Variants in POLA1 observed in about 807,000 individuals in gnomAD.
The protein encoded by POLA1 is DNA polymerase alpha catalytic subunit.
In POLA1, 15 loss-of-function variants were observed where a neutral mutation model predicts 124.0. That is an observed-to-expected ratio of 0.12 (90% confidence interval 0.08 to 0.19). The LOEUF is 0.19. POLA1 is among the 10% of genes least tolerant of loss of function. The pLI is 1.00. For missense variants in POLA1, 886 were observed against 1,103.4 expected (o/e 0.80, Z 2.79); for synonymous variants, 408 against 389.4 (o/e 1.05, Z -0.56).
At chrX:24,724,501 C>T in intron 12 of POLA1, 50 bp downstream of exon 12, 1 of 598,996 alleles carries the variant, frequency 1.7e-6, no homozygotes, top group Admixed American at 3.2e-5. Context: ...TGTTTATTTT[C>T]TGATTTAGCA....
intron 1 of POLA1, among the ~76,000 whole-genome samples, chrX:24,696,194 T>G (rs769290897): frequency 2.2e-4 from 25 of 112,492 alleles, no homozygotes; most frequent in Admixed American, 9.4e-5. Flanking sequence ...TCTGCATCAG[T>G]CAGAGCCCCT....
intron 35 of POLA1, among the ~76,000 whole-genome samples, chrX:24,925,634 CTA>C (rs1355459861): frequency 8.9e-6 from 1 of 112,365 alleles, no homozygotes; most frequent in African/African-American, 3.2e-5. Context: ...TTTGCATGCC[CTA>C]TGACTCAGCA....
chrX:24,973,934 T>C (rs1024220763), intron 36 of POLA1, among the ~76,000 whole-genome samples: 13 of 111,061 alleles, frequency 1.2e-4, no homozygotes, highest in South Asian at 7.8e-4. Flanking sequence ...GTTTTTTTTT[T>C]CCCCCTAGGC....
At chrX:24,916,735 A>G (rs1257616407) in intron 35 of POLA1, among the ~76,000 whole-genome samples, 1 of 112,234 alleles carries the variant, frequency 8.9e-6, no homozygotes, top group Admixed American at 9.4e-5. Flanking sequence ...TTGAGTTGCA[A>G]AAGCTTAAGA....
At chrX:24,723,638 T>C (rs1930341943) in intron 11 of POLA1, among the ~76,000 whole-genome samples, 1 of 112,651 alleles carries the variant, frequency 8.9e-6, no homozygotes, top group Non-Finnish European at 1.9e-5. Flanking sequence ...AGCAGTGATA[T>C]TCCCTCCATT....
chrX:24,858,820 C>A (rs1021937729), intron 34 of POLA1, among the ~76,000 whole-genome samples: 1 of 112,437 alleles, frequency 8.9e-6, no homozygotes, highest in Non-Finnish European at 1.9e-5. Flanking sequence ...ACCATTTTCC[C>A]TGCTCTCACA....
intron 2 of POLA1, among the ~76,000 whole-genome samples, chrX:24,702,066 CTT>C (rs1374389090): frequency 3.6e-5 from 3 of 84,157 alleles, no homozygotes; most frequent in Admixed American, 1.4e-4. Context: ...GAATCAGGTA[CTT>C]TTTTTTTTTT....
intron 11 of POLA1, among the ~76,000 whole-genome samples, chrX:24,723,557 G>A (rs1382033864): frequency 8.9e-6 from 1 of 112,676 alleles, no homozygotes; most frequent in Non-Finnish European, 1.9e-5. Flanking sequence ...ATAATAATCA[G>A]GGTTGGAACT....
At chrX:24,900,069 T>C (rs916982948) in intron 35 of POLA1, among the ~76,000 whole-genome samples, 4 of 111,947 alleles carry the variant, frequency 3.6e-5, no homozygotes, top group Non-Finnish European at 7.5e-5. Context: ...TTCCAAGTTA[T>C]TGTTTTAGTG....
chrX:24,984,035 T>C (rs1374180264), intron 36 of POLA1, among the ~76,000 whole-genome samples: 1 of 112,449 alleles, frequency 8.9e-6, no homozygotes, highest in Non-Finnish European at 1.9e-5. Context: ...CTGTACTGTG[T>C]AAGAGACACA....
chrX:24,870,846 C>T (rs1251547320), intron 34 of POLA1, among the ~76,000 whole-genome samples: 2 of 111,682 alleles, frequency 1.8e-5, no homozygotes, highest in Non-Finnish European at 3.8e-5. Flanking sequence ...AGAGCTAGGT[C>T]AAGAGAGCTC....
At chrX:24,749,419 A>G (rs1932201686) in intron 26 of POLA1, among the ~76,000 whole-genome samples, 1 of 111,964 alleles carries the variant, frequency 8.9e-6, no homozygotes, top group Non-Finnish European at 1.9e-5. Context: ...ATAGAAGTAA[A>G]TGCTCTGTAG....
At chrX:24,818,877 T>A (rs1431988003) in intron 30 of POLA1, among the ~76,000 whole-genome samples, 2 of 112,327 alleles carry the variant, frequency 1.8e-5, no homozygotes, top group Non-Finnish European at 3.8e-5. Flanking sequence ...TACAATCTGT[T>A]GTGACATGTG....
chrX:24,742,170 C>T (rs374964044), intron 22 of POLA1, 49 bp downstream of exon 22: 5 of 752,876 alleles, frequency 6.6e-6, no homozygotes, highest in South Asian at 2.4e-5. Context: ...CCCCCCCCCC[C>T]CTTTTAATAC....
intron 36 of POLA1, among the ~76,000 whole-genome samples, chrX:24,986,089 T>C (rs757309177): frequency 1.8e-5 from 2 of 111,700 alleles, no homozygotes; most frequent in African/African-American, 6.5e-5. Context: ...GGAGAATCGC[T>C]TGAACCCGGG....
intron 36 of POLA1, among the ~76,000 whole-genome samples, chrX:24,949,676 C>G (rs2048009450): frequency 1.9e-5 from 2 of 106,473 alleles, no homozygotes; most frequent in African/African-American, 6.8e-5. Context: ...ATATAACTTA[C>G]TAGCTAACCT....
chrX:24,823,898 A>C (rs1186658970), intron 31 of POLA1, among the ~76,000 whole-genome samples: 1 of 112,868 alleles, frequency 8.9e-6, no homozygotes, highest in Non-Finnish European at 1.9e-5. Flanking sequence ...GTAGGTTGTT[A>C]GCGCATTAAA....
chrX:24,858,295 G>C lies in POLA1; in HGVS notation c.4047+14618G>C, dbSNP rs2046673934. ...TATAAACCTAGGTGAGGAGTAGTGT[G>C]CATAGAAATGTCATCTTTCCTGTAT... is the stretch of plus-strand genomic sequence containing the variant. On this transcript the variant is annotated intron_variant, in intron 34 of 36. Coordinates refer to ENST00000379068, the MANE Select transcript of POLA1 (RefSeq NM_001330360.2). Among the ~76,000 whole-genome samples, 5 of 111,835 alleles carry C rather than the reference G, an allele frequency of 4.5e-5. No homozygotes were observed. In the South Asian group the frequency reaches 1.9e-3, roughly 42 times the overall value.
chrX:24,953,308 T>C (rs902755318), intron 36 of POLA1, among the ~76,000 whole-genome samples: 27 of 112,475 alleles, frequency 2.4e-4, no homozygotes, highest in Admixed American at 6.6e-4. Context: ...TGTTTTTAGC[T>C]TTTTGTTGTT....
Sources: gnomAD v4.1 joint callset for allele counts (sites outside exome capture counted in the v4.1 genomes callset) on GRCh38, gnomAD v4.1.1 for gene constraint, MANE v1.5 for transcripts, NCBI Gene and HGNC (gene_info 2026-07-23, HGNC 2026-07-21) for gene names.